COG5: variants seen among roughly 807,000 people sequenced by gnomAD.
The protein encoded by COG5 is conserved oligomeric Golgi complex subunit 5.
A neutral mutation model predicts 110.4 loss-of-function variants in COG5; 86 were observed. The observed-to-expected ratio is 0.78, with a 90% CI of 0.65 to 0.93. The LOEUF is 0.93. Ranked by LOEUF, COG5 falls within the 40% of genes least tolerant of loss-of-function variation. The pLI, the probability that COG5 is intolerant of heterozygous loss-of-function variation, is 0.00. For synonymous variants in COG5, 360 were observed against 334.6 expected, an observed-to-expected ratio of 1.08 and a Z score of -0.83; for missense variants, 1,077 against 987.0, an observed-to-expected ratio of 1.09 and a Z score of -1.22.
At chr7:107,542,149 GAACT>G (rs1331325993) in intron 5 of COG5, among the ~76,000 whole-genome samples, 1 of 151,896 alleles carries the variant, frequency 6.6e-6, no homozygotes, top group African/African-American at 2.4e-5. Context: ...TCATAAAAGA[GAACT>G]AACCATAAAA....
chr7:107,363,067 T>C (rs1170048289), intron 8 of COG5, among the ~76,000 whole-genome samples: 1 of 152,166 alleles, frequency 6.6e-6, no homozygotes, highest in Admixed American at 6.5e-5. Flanking sequence ...TTTAGGTATA[T>C]TTTGGAATGG....
intron 4 of COG5, 34 bp downstream of exon 4, chr7:107,548,244 C>T (rs1408525411): frequency 2.5e-6 from 4 of 1,601,508 alleles, no homozygotes; most frequent in Non-Finnish European, 3.4e-6. Context: ...AAAAACATTC[C>T]CATTCCATTT....
In COG5 at chr7:107,502,951, G is replaced by A. The variant is rs143649437; in HGVS notation, c.538+24286C>T. On this transcript the variant is annotated intron_variant, in intron 6 of 21. Transcript: ENST00000297135. The stretch of plus-strand genomic sequence containing the variant: ...CAGTTTACAAGTCTTATCTTCTCCC[G>A]TTCTGTGGGTTGTCTGTTTATTTTG... Among the ~76,000 whole-genome samples the A allele has an allele frequency of 2.6e-3, 389 of 152,046 alleles. 1 individual carries two copies. The highest frequency in any genetic ancestry group is 4.1e-3 in the Non-Finnish European group (280 of 67,922).
chr7:107,324,321 G>A, intron 11 of COG5, 119 bp downstream of exon 11: 2 of 663,622 alleles, frequency 3.0e-6, no homozygotes, highest in South Asian at 4.3e-5. Flanking sequence ...CAATTAGCCA[G>A]GAATTTTAAA....
At chr7:107,532,111 C>G (rs1245143063) in intron 5 of COG5, among the ~76,000 whole-genome samples, 2 of 152,146 alleles carry the variant, frequency 1.3e-5, no homozygotes, top group African/African-American at 4.8e-5. Flanking sequence ...GGCTAGAGTA[C>G]AATGGCACAA....
intron 19 of COG5, among the ~76,000 whole-genome samples, chr7:107,217,032 G>T (rs2116264669): frequency 6.6e-6 from 1 of 152,070 alleles, no homozygotes; most frequent in East Asian, 1.9e-4. Flanking sequence ...AAATGAAAGA[G>T]AAGATATTAC....
At chr7:107,395,336 GA>G (rs1483759403) in intron 7 of COG5, among the ~76,000 whole-genome samples, 2 of 152,000 alleles carry the variant, frequency 1.3e-5, no homozygotes, top group Non-Finnish European at 2.9e-5. Flanking sequence ...TAGAAAGAAA[GA>G]AAGAAATGAT....
chr7:107,409,764 A>G (rs2237668), intron 7 of COG5, among the ~76,000 whole-genome samples: 30,596 of 152,148 alleles, frequency 0.2, 3,362 homozygotes, highest in East Asian at 0.33. Context: ...TTGTGTCCTT[A>G]AGAATGAACT....
chr7:107,268,875 ATTT>A (rs1402082418), intron 14 of COG5, among the ~76,000 whole-genome samples: 1 of 152,050 alleles, frequency 6.6e-6, no homozygotes, highest in African/African-American at 2.4e-5. Flanking sequence ...CTGTCCTTAT[ATTT>A]TAGGTATGTC....
chr7:107,326,897 C>G (rs149257386), intron 10 of COG5, among the ~76,000 whole-genome samples: 1 of 152,092 alleles, frequency 6.6e-6, no homozygotes, highest in African/African-American at 2.4e-5. Flanking sequence ...TATTACAGAG[C>G]CAGGTGCAGT....
At chr7:107,551,248 T>C (rs1339667929) in intron 3 of COG5, among the ~76,000 whole-genome samples, 1 of 152,172 alleles carries the variant, frequency 6.6e-6, no homozygotes, top group African/African-American at 2.4e-5. Context: ...TTCACCATGT[T>C]AGCCAGGATG....
chr7:107,216,015 T>C (rs1368560340), intron 19 of COG5, among the ~76,000 whole-genome samples: 1 of 152,028 alleles, frequency 6.6e-6, no homozygotes, highest in Non-Finnish European at 1.5e-5. Flanking sequence ...GGCCCGAGAC[T>C]CAACTCATTT....
intron 11 of COG5, among the ~76,000 whole-genome samples, chr7:107,308,803 C>A (rs967365213): frequency 6.6e-6 from 1 of 150,834 alleles, no homozygotes. Flanking sequence ...TTAGACAATC[C>A]CTTGCAATTG....
At chr7:107,255,842 C>T (rs777650501) in intron 16 of COG5, among the ~76,000 whole-genome samples, 1 of 152,012 alleles carries the variant, frequency 6.6e-6, no homozygotes, top group Non-Finnish European at 1.5e-5. Context: ...GTTACTTACT[C>T]GCCAAGTACT....
intron 6 of COG5, among the ~76,000 whole-genome samples, chr7:107,470,900 A>G (rs1796593942): frequency 1.3e-5 from 2 of 151,946 alleles, no homozygotes; most frequent in South Asian, 4.1e-4. Flanking sequence ...ACAATTCATC[A>G]ATGGAAATTT....
chr7:107,325,509 GGT>G (rs1809687051), intron 10 of COG5, among the ~76,000 whole-genome samples: 1 of 152,108 alleles, frequency 6.6e-6, no homozygotes, highest in Admixed American at 6.5e-5. Context: ...AAATTAGCCA[GGT>G]GTGGTGGCGC....
At chr7:107,385,374 T>G (rs1255718315) in intron 7 of COG5, among the ~76,000 whole-genome samples, 1 of 152,260 alleles carries the variant, frequency 6.6e-6, no homozygotes, top group African/African-American at 2.4e-5. Context: ...AATTCTTTTT[T>G]ACCCTTGTGT....
intron 14 of COG5, among the ~76,000 whole-genome samples, chr7:107,266,056 T>C (rs375374969): frequency 2.4e-4 from 36 of 151,892 alleles, no homozygotes; most frequent in East Asian, 5.8e-4. Context: ...CAAATAATAA[T>C]AACAACAATA....
chr7:107,456,181 A>C (rs1795660601), intron 6 of COG5, among the ~76,000 whole-genome samples: 1 of 152,338 alleles, frequency 6.6e-6, no homozygotes, highest in South Asian at 2.1e-4. Context: ...ATAAGAAACA[A>C]GGAGTAAAAA....
Sources: allele counts gnomAD v4.1 joint callset (sites outside exome capture counted in the v4.1 genomes callset), GRCh38; gene constraint gnomAD v4.1.1; transcripts MANE v1.5; gene names NCBI Gene and HGNC (gene_info 2026-07-23, HGNC 2026-07-21).